Variants in CPNE4 observed in about 807,000 individuals in gnomAD.
CPNE4 encodes copine 4.
In CPNE4, 25 loss-of-function variants were observed where a neutral mutation model predicts 67.9. That is an observed-to-expected ratio of 0.37 (90% CI 0.27 to 0.51). The LOEUF (loss-of-function observed/expected upper bound fraction) is 0.51, where lower values mean the gene tolerates loss of function less well. Ranked by LOEUF, CPNE4 falls within the 20% of genes least tolerant of loss-of-function variation. The probability of loss-of-function intolerance (pLI) is 0.93; values close to 1 mark genes in which losing one functional copy is unlikely to be tolerated. For synonymous variants in CPNE4, 242 were observed against 244.9 expected, an observed-to-expected ratio of 0.99 and a Z score of 0.11; for missense variants, 464 against 690.8, an observed-to-expected ratio of 0.67 and a Z score of 3.68.
At chr3:132,035,464 T>C (rs527966680), upstream of CPNE4, 62 of 152,328 alleles carry the variant, frequency 4.1e-4, no homozygotes, top group African/African-American at 1.4e-3. Context: ...TTTTAGTAAG[T>C]AATGCATGAG....
chr3:132,027,663 A>G (rs2074142030), intron 1 of CPNE4, among the ~76,000 whole-genome samples: 1 of 150,412 alleles, frequency 6.6e-6, no homozygotes, highest in Admixed American at 6.6e-5. Context: ...CCCTAGTTTC[A>G]CATTAGCACA....
chr3:131,698,682 G>A (rs950444353), intron 4 of CPNE4, among the ~76,000 whole-genome samples: 2 of 151,460 alleles, frequency 1.3e-5, no homozygotes, highest in African/African-American at 4.9e-5. Context: ...GAAGCCGAGG[G>A]GGGCGGATCA....
chr3:131,630,207 CT>C (rs1206487763), intron 7 of CPNE4, among the ~76,000 whole-genome samples: 3 of 152,232 alleles, frequency 2.0e-5, no homozygotes, highest in African/African-American at 7.2e-5. Context: ...CGGCTAGTCC[CT>C]TAGTGGCCAT....
chr3:131,966,680 C>T (rs748976943), intron 1 of CPNE4, among the ~76,000 whole-genome samples: 13 of 152,018 alleles, frequency 8.6e-5, no homozygotes, highest in Non-Finnish European at 1.8e-4. Context: ...AGGAAGAAGT[C>T]GAATCCCAGA....
intron 6 of CPNE4, among the ~76,000 whole-genome samples, chr3:131,679,256 T>A (rs974036869): frequency 3.3e-5 from 5 of 152,178 alleles, no homozygotes; most frequent in African/African-American, 1.2e-4. Context: ...TTGTTTGTAG[T>A]TCTGTGGGGT....
chr3:132,023,580 C>CTG (rs1462529825), intron 1 of CPNE4, among the ~76,000 whole-genome samples: 1 of 142,420 alleles, frequency 7.0e-6, no homozygotes, highest in Non-Finnish European at 1.5e-5. Context: ...CTCCGCCTCC[C>CTG]GGGTTCACGC....
chr3:131,581,501 C>T (rs947006798), intron 9 of CPNE4, 78 bp downstream of exon 9: 12 of 932,120 alleles, frequency 1.3e-5, no homozygotes, highest in South Asian at 7.1e-5. Flanking sequence ...TACTCTTTTC[C>T]TCTGACCACA....
chr3:131,600,146 C>A (rs749799770), intron 7 of CPNE4, among the ~76,000 whole-genome samples: 1 of 152,048 alleles, frequency 6.6e-6, no homozygotes, highest in Admixed American at 6.5e-5. Flanking sequence ...ACTAAGGTAT[C>A]CATGCACCAA....
intron 3 of CPNE4, among the ~76,000 whole-genome samples, chr3:131,713,288 T>C (rs1350406099): frequency 3.3e-5 from 5 of 152,222 alleles, no homozygotes; most frequent in African/African-American, 1.2e-4. Context: ...AATACATCTT[T>C]TTATAACTAT....
intron 1 of CPNE4, among the ~76,000 whole-genome samples, chr3:132,028,439 G>A (rs1227848342): frequency 6.6e-6 from 1 of 152,138 alleles, no homozygotes; most frequent in Admixed American, 6.6e-5. Flanking sequence ...GCCTAGCACA[G>A]CTTTTGACAT....
At chr3:131,786,465 T>C (rs374005122) in intron 2 of CPNE4, among the ~76,000 whole-genome samples, 1 of 152,194 alleles carries the variant, frequency 6.6e-6, no homozygotes, top group Non-Finnish European at 1.5e-5. Flanking sequence ...GAATTTACTT[T>C]GTGACAGATA....
chr3:131,705,091 C>T (rs989440388), intron 3 of CPNE4, among the ~76,000 whole-genome samples: 5 of 147,424 alleles, frequency 3.4e-5, no homozygotes, highest in Non-Finnish European at 6.0e-5. Flanking sequence ...TTCCTCCACT[C>T]TTCCTCCTCA....
At chr3:131,757,549 G>T (rs1030600244) in intron 2 of CPNE4, among the ~76,000 whole-genome samples, 2 of 152,174 alleles carry the variant, frequency 1.3e-5, no homozygotes, top group African/African-American at 2.4e-5. Context: ...CAGCATAAAA[G>T]TTCAGAAAAT....
chr3:131,555,904 T>C (rs535524106), intron 11 of CPNE4, among the ~76,000 whole-genome samples: 1 of 152,118 alleles, frequency 6.6e-6, no homozygotes, highest in Non-Finnish European at 1.5e-5. Context: ...GTAACTGTAA[T>C]GGTTGACTGT....
chr3:131,769,290 G>C (rs2083104127), intron 2 of CPNE4, among the ~76,000 whole-genome samples: 2 of 152,046 alleles, frequency 1.3e-5, no homozygotes, highest in African/African-American at 4.8e-5. Flanking sequence ...CAAGGTTCTG[G>C]GAAGATGTGA....
At chr3:131,939,456 G>C (rs1272112815) in intron 1 of CPNE4, among the ~76,000 whole-genome samples, 1 of 152,122 alleles carries the variant, frequency 6.6e-6, no homozygotes, top group Non-Finnish European at 1.5e-5. Flanking sequence ...ATGAAGAAAA[G>C]GAGAAGTTTT....
chr3:131,819,904 A>G (rs72987727), intron 2 of CPNE4, among the ~76,000 whole-genome samples: 4,809 of 152,220 alleles, frequency 0.032, 180 homozygotes, highest in South Asian at 0.094. Context: ...CCCTCTGGGG[A>G]AGAAAGTTGT....
At position 131,552,462 on chromosome 3, in the gene CPNE4, A is replaced by C; in HGVS notation, c.1146T>G (p.Asn382Lys). The change falls in exon 13 of 16, where the codon AAT (asparagine) becomes AAG (lysine). Residue 382 changes from asparagine (N) to lysine (K), a missense_variant. Transcript: ENST00000429747. ...TACCTGCACATTCTGGGTTGTCTTC[A>C]TTAAAGTTGATTGCAAAGTCATGAG... ...TVSHDFAINF[N>K]EDNPECAGIQ... 6.2e-7 allele frequency: 1 copy of C among 1,612,828 alleles called. No individual in the cohort carries two copies. Among genetic ancestry groups the C allele is most frequent in the Non-Finnish European group, 8.5e-7 (1 of 1,179,188 alleles).
chr3:131,630,583 A>G (rs6439308), intron 7 of CPNE4, among the ~76,000 whole-genome samples: 42,048 of 152,154 alleles, frequency 0.28, 9,562 homozygotes, highest in African/African-American at 0.63. Flanking sequence ...TGGCTATTTA[A>G]ATTTTAAACA....
Sources: allele counts gnomAD v4.1 joint callset (sites outside exome capture counted in the v4.1 genomes callset), GRCh38; gene constraint gnomAD v4.1.1; transcripts MANE v1.5; gene names NCBI Gene and HGNC (gene_info 2026-07-23, HGNC 2026-07-21).